The following DOCK5 variants were observed in gnomAD, a reference collection of about 807,000 sequenced individuals.
DOCK5 encodes the protein dedicator of cytokinesis protein 5.
A neutral mutation model predicts 251.8 loss-of-function variants in DOCK5; 142 were observed. The observed-to-expected ratio is 0.56, with a 90% CI of 0.49 to 0.65. The LOEUF is 0.65. Among genes scored for constraint, DOCK5 ranks in the 30% least tolerant of loss-of-function variants. DOCK5 has a pLI of 0.00. For missense variants in DOCK5, 2,111 were observed against 2,312.3 expected, an observed-to-expected ratio of 0.91 and a Z score of 1.79; for synonymous variants, 842 against 835.5, an observed-to-expected ratio of 1.01 and a Z score of -0.13.
At chr8:25,249,484 C>A (rs1372581730) in intron 2 of DOCK5, among the ~76,000 whole-genome samples, 1 of 152,194 alleles carries the variant, frequency 6.6e-6, no homozygotes, top group Non-Finnish European at 1.5e-5. Flanking sequence ...CTGTACCCAT[C>A]GGTAGTCATG....
chr8:25,213,293 C>G (rs1802147322), intron 1 of DOCK5, among the ~76,000 whole-genome samples: 1 of 150,762 alleles, frequency 6.6e-6, no homozygotes, highest in African/African-American at 2.4e-5. Context: ...ATGTCCAAAG[C>G]TCTCCCCACA....
intron 2 of DOCK5, among the ~76,000 whole-genome samples, chr8:25,250,746 C>G (rs1485811852): frequency 6.6e-6 from 1 of 152,108 alleles, no homozygotes; most frequent in African/African-American, 2.4e-5. Context: ...GTAAACAAAA[C>G]AATTCAGATA....
At chr8:25,333,091 A>G (rs1221995249) in intron 20 of DOCK5, among the ~76,000 whole-genome samples, 1 of 152,248 alleles carries the variant, frequency 6.6e-6, no homozygotes. Flanking sequence ...CATTAGGCAG[A>G]ATATTCAACC....
Position 25,254,211 on chromosome 8 carries a change from C to A in DOCK5, c.127+10454C>A, listed in dbSNP as rs376434745. Among the ~76,000 whole-genome samples the A allele has an allele frequency of 2.3e-4, 35 of 152,238 alleles. No individual in the cohort carries two copies. The South Asian group carries it at 6.8e-3, about 30-fold the overall frequency. ...GCCGAAATAATAATTTAGACACAGA[C>A]CTTTCACCCTTGACAAAAAATAAGT... On this transcript the variant is annotated intron_variant, in intron 2 of 51. Coordinates refer to ENST00000276440, the MANE Select transcript of DOCK5 (RefSeq NM_024940.8).
chr8:25,294,311 G>A (rs1052547027), intron 6 of DOCK5, among the ~76,000 whole-genome samples: 1 of 152,184 alleles, frequency 6.6e-6, no homozygotes, highest in Non-Finnish European at 1.5e-5. Context: ...AAAGGAACCT[G>A]CCAGATCAAA....
At chr8:25,410,246 C>A in intron 51 of DOCK5, 44 bp downstream of exon 51, 1 of 1,546,518 alleles carries the variant, frequency 6.5e-7, no homozygotes, top group Non-Finnish European at 8.9e-7. Flanking sequence ...GAGCGCCACT[C>A]CTGGGAAGGC....
At chr8:25,207,772 C>T (rs148452187) in intron 1 of DOCK5, among the ~76,000 whole-genome samples, 1 of 152,338 alleles carries the variant, frequency 6.6e-6, no homozygotes, top group African/African-American at 2.4e-5. Context: ...TTCATGCCTG[C>T]TGACACAACA....
At chr8:25,349,518 T>A (rs545595073) in intron 26 of DOCK5, among the ~76,000 whole-genome samples, 61 of 152,256 alleles carry the variant, frequency 4.0e-4, no homozygotes, top group Non-Finnish European at 7.8e-4. Context: ...GAAACCCATC[T>A]AAGTGTCCAT....
chr8:25,243,330 T>C (rs1002644339), intron 1 of DOCK5, among the ~76,000 whole-genome samples: 4 of 151,660 alleles, frequency 2.6e-5, no homozygotes, highest in Admixed American at 2.6e-4. Context: ...GTGACATGCA[T>C]TCTTTTTTTT....
At chr8:25,277,911 C>G (rs1335458589) in intron 4 of DOCK5, among the ~76,000 whole-genome samples, 1 of 152,204 alleles carries the variant, frequency 6.6e-6, no homozygotes, top group Non-Finnish European at 1.5e-5. Context: ...TGTTTGCTTG[C>G]TCTTGCTTTC....
chr8:25,406,918 G>A (rs540485187), intron 48 of DOCK5, among the ~76,000 whole-genome samples: 1 of 152,140 alleles, frequency 6.6e-6, no homozygotes, highest in African/African-American at 2.4e-5. Flanking sequence ...GAGCCACCGT[G>A]CCTGGCTGTG....
At chr8:25,207,240 G>T (rs1400074528) in intron 1 of DOCK5, among the ~76,000 whole-genome samples, 2 of 152,210 alleles carry the variant, frequency 1.3e-5, no homozygotes, top group African/African-American at 4.8e-5. Context: ...AGAAGCCATT[G>T]CCATAGCATA....
chr8:25,408,787 T>C lies in DOCK5; in HGVS notation c.5266-15T>C. ...CTCACCGTGAAAATGTTTTGCTTTT[T>C]CTCTCTGGTCCTAGAGCCCAACCAG... On this transcript the variant is annotated splice_polypyrimidine_tract_variant and intron_variant, in intron 49 of 51. Coordinates refer to ENST00000276440, the MANE Select transcript of DOCK5 (RefSeq NM_024940.8). 1 of 1,613,710 alleles carries C rather than the reference T, an allele frequency of 6.2e-7. No individual in the cohort carries two copies.
intron 13 of DOCK5, among the ~76,000 whole-genome samples, chr8:25,316,120 AAAG>A (rs1805244022): frequency 6.6e-6 from 1 of 152,208 alleles, no homozygotes; most frequent in Non-Finnish European, 1.5e-5. Flanking sequence ...GGGTAACAAA[AAAG>A]AAAAAGAGCA....
At chr8:25,232,611 A>G (rs2117522799) in intron 1 of DOCK5, among the ~76,000 whole-genome samples, 1 of 152,278 alleles carries the variant, frequency 6.6e-6, no homozygotes, top group African/African-American at 2.4e-5. Flanking sequence ...GTGTCCTTGC[A>G]TGGTACAAAA....
chr8:25,207,420 G>T (rs1802026484), intron 1 of DOCK5, among the ~76,000 whole-genome samples: 1 of 152,092 alleles, frequency 6.6e-6, no homozygotes, highest in Admixed American at 6.5e-5. Context: ...AGCTAGAGAG[G>T]AGAAGTCAGT....
At chr8:25,390,057 C>A in intron 41 of DOCK5, 149 bp from the exon 42 acceptor site, 2 of 541,470 alleles carry the variant, frequency 3.7e-6, no homozygotes, top group Non-Finnish European at 6.4e-6. Context: ...CAAAGGAACT[C>A]CCATTTTCAG....
chr8:25,303,265 CT>C, intron 10 of DOCK5, among the ~76,000 whole-genome samples: 1 of 152,326 alleles, frequency 6.6e-6, no homozygotes, highest in South Asian at 2.1e-4. Flanking sequence ...ACGCTCCTTT[CT>C]TTCCCCCTTA....
At chr8:25,267,670 A>G (rs1365128768) in intron 2 of DOCK5, among the ~76,000 whole-genome samples, 2 of 152,188 alleles carry the variant, frequency 1.3e-5, no homozygotes, top group African/African-American at 4.8e-5. Flanking sequence ...CACAAGGTTT[A>G]CCTGGGCAAG....
Sources: allele counts gnomAD v4.1 joint callset (sites outside exome capture counted in the v4.1 genomes callset), GRCh38; gene constraint gnomAD v4.1.1; transcripts MANE v1.5; gene names NCBI Gene and HGNC (gene_info 2026-07-23, HGNC 2026-07-21).